NBEA: variants seen among roughly 807,000 people sequenced by gnomAD.
The protein encoded by NBEA is lysosomal-trafficking regulator 2.
In NBEA, 44 loss-of-function variants were observed where a neutral mutation model predicts 343.4. That is an observed-to-expected ratio of 0.13 (90% CI 0.10 to 0.16). NBEA has a LOEUF of 0.16. Among genes scored for constraint, NBEA ranks in the 10% least tolerant of loss-of-function variants. The probability of loss-of-function intolerance (pLI) is 1.00; values close to 1 mark genes in which losing one functional copy is unlikely to be tolerated. For missense variants in NBEA, 2,555 were observed against 3,631.3 expected (o/e 0.70, Z 7.62); for synonymous variants, 1,175 against 1,238.7 (o/e 0.95, Z 1.08).
intron 41 of NBEA, among the ~76,000 whole-genome samples, chr13:35,508,263 G>A (rs1391982578): frequency 1.3e-5 from 2 of 152,088 alleles, no homozygotes; most frequent in Non-Finnish European, 1.5e-5. Context: ...GCAATATATT[G>A]GGAAAGTATA....
At chr13:35,294,848 G>T (rs968099726) in intron 35 of NBEA, among the ~76,000 whole-genome samples, 4 of 151,884 alleles carry the variant, frequency 2.6e-5, no homozygotes, top group African/African-American at 7.2e-5. Context: ...GAGCCCTGAC[G>T]ATGCAAGGTA....
At chr13:35,151,959 T>C (rs374776279) in intron 18 of NBEA, among the ~76,000 whole-genome samples, 2 of 152,304 alleles carry the variant, frequency 1.3e-5, no homozygotes, top group East Asian at 3.9e-4. Flanking sequence ...ATATGTTTTC[T>C]GCAGGCAAAA....
At chr13:35,507,221 G>A (rs186652455) in intron 41 of NBEA, among the ~76,000 whole-genome samples, 4 of 152,084 alleles carry the variant, frequency 2.6e-5, no homozygotes, top group South Asian at 2.1e-4. Flanking sequence ...TACCTCACTC[G>A]CTTCTCCTTT....
intron 1 of NBEA, among the ~76,000 whole-genome samples, chr13:34,954,567 G>A (rs1476257918): frequency 6.6e-6 from 1 of 152,030 alleles, no homozygotes; most frequent in Non-Finnish European, 1.5e-5. Context: ...TTATTTTTGA[G>A]TGGGGGATGA....
chr13:35,153,429 A>G (rs1433005027), intron 18 of NBEA, among the ~76,000 whole-genome samples: 1 of 152,212 alleles, frequency 6.6e-6, no homozygotes, highest in Non-Finnish European at 1.5e-5. Context: ...AATTGCTACT[A>G]GAAATGAAGT....
At chr13:35,214,718 T>C (rs917041539) in intron 33 of NBEA, among the ~76,000 whole-genome samples, 1 of 151,948 alleles carries the variant, frequency 6.6e-6, no homozygotes, top group Admixed American at 6.6e-5. Context: ...TCAAATAGTT[T>C]CGTCTTTTAT....
intron 34 of NBEA, among the ~76,000 whole-genome samples, chr13:35,259,109 G>A (rs2032961897): frequency 6.6e-6 from 1 of 152,078 alleles, no homozygotes; most frequent in African/African-American, 2.4e-5. Context: ...GCACTTACAA[G>A]CTTTTCCTTA....
At chr13:35,608,420 A>G (rs533437294) in intron 48 of NBEA, among the ~76,000 whole-genome samples, 1 of 152,320 alleles carries the variant, frequency 6.6e-6, no homozygotes, top group East Asian at 1.9e-4. Flanking sequence ...TCATCACCAC[A>G]TTATTCTCAC....
At chr13:35,463,635 A>G (rs2047022464) in intron 40 of NBEA, among the ~76,000 whole-genome samples, 1 of 152,120 alleles carries the variant, frequency 6.6e-6, no homozygotes, top group African/African-American at 2.4e-5. Flanking sequence ...AAAACAAACC[A>G]GAAAAAGTTG....
chr13:35,182,137 T>C (rs2071359771), intron 28 of NBEA, among the ~76,000 whole-genome samples: 1 of 151,494 alleles, frequency 6.6e-6, no homozygotes, highest in South Asian at 2.1e-4. Flanking sequence ...AATATTCTAG[T>C]TTTTGGAAAT....
At chr13:35,020,773 C>T (rs1299801558) in intron 1 of NBEA, among the ~76,000 whole-genome samples, 3 of 152,160 alleles carry the variant, frequency 2.0e-5, no homozygotes, top group African/African-American at 7.2e-5. Flanking sequence ...CCTTCCTCAG[C>T]CTCCCAAAGT....
At chr13:35,475,054 A>C (rs774059334) in intron 41 of NBEA, 19 of 1,608,330 alleles carry the variant, frequency 1.2e-5, no homozygotes, top group Non-Finnish European at 1.5e-5. Context: ...TGATTAAATC[A>C]TCCTCTAAAG....
At chr13:35,269,673 A>G (rs2033976008) in intron 34 of NBEA, among the ~76,000 whole-genome samples, 1 of 152,196 alleles carries the variant, frequency 6.6e-6, no homozygotes, top group African/African-American at 2.4e-5. Flanking sequence ...GAGAAATTTG[A>G]CAATGAAACA....
chr13:35,602,035 G>C (rs1050052775), intron 47 of NBEA, among the ~76,000 whole-genome samples: 1 of 152,092 alleles, frequency 6.6e-6, no homozygotes, highest in Non-Finnish European at 1.5e-5. Flanking sequence ...ACTTAGAACA[G>C]TGCCAAGACA....
intron 31 of NBEA, among the ~76,000 whole-genome samples, chr13:35,198,307 A>C (rs1349338613): frequency 6.6e-6 from 1 of 152,146 alleles, no homozygotes; most frequent in Non-Finnish European, 1.5e-5. Flanking sequence ...TAGTAATTTA[A>C]GTTTTGTATT....
intron 16 of NBEA, among the ~76,000 whole-genome samples, chr13:35,121,914 A>G (rs1167103213): frequency 6.6e-6 from 1 of 152,192 alleles, no homozygotes; most frequent in Admixed American, 6.5e-5. Flanking sequence ...ATTTAATAAA[A>G]TAAAGCACAC....
At chr13:35,203,311 C>A (rs1161534194) in intron 31 of NBEA, among the ~76,000 whole-genome samples, 1 of 152,136 alleles carries the variant, frequency 6.6e-6, no homozygotes, top group Non-Finnish European at 1.5e-5. Flanking sequence ...AGCCTTTGTA[C>A]TGTTACCTCT....
intron 40 of NBEA, among the ~76,000 whole-genome samples, chr13:35,467,900 C>T (rs1594736721): frequency 6.6e-6 from 1 of 152,084 alleles, no homozygotes; most frequent in Admixed American, 6.5e-5. Flanking sequence ...TTTATGTACC[C>T]TAAATATAGT....
At chr13:35,406,963 C>CTT (rs551559932) in intron 38 of NBEA, among the ~76,000 whole-genome samples, 11 of 136,724 alleles carry the variant, frequency 8.0e-5, no homozygotes, top group Non-Finnish European at 1.1e-4. Flanking sequence ...TTTCTTTGCT[C>CTT]TTTTTTTTTT....
Sources: allele counts gnomAD v4.1 joint callset (sites outside exome capture counted in the v4.1 genomes callset), GRCh38; gene constraint gnomAD v4.1.1; transcripts MANE v1.5; gene names NCBI Gene and HGNC (gene_info 2026-07-23, HGNC 2026-07-21).